The following RHAG variants were observed in gnomAD, a reference collection of about 807,000 sequenced individuals.
The protein encoded by RHAG is Rh associated glycoprotein.
RHAG carries 25 observed loss-of-function variants against 42.4 expected under a neutral mutation model. That is an observed-to-expected ratio of 0.59 (90% confidence interval 0.43 to 0.82). The LOEUF (loss-of-function observed/expected upper bound fraction) is 0.82, where lower values mean the gene tolerates loss of function less well. RHAG is among the 40% of genes least tolerant of loss of function. The pLI is 0.00. For synonymous variants in RHAG, 182 were observed against 177.7 expected, an observed-to-expected ratio of 1.02 and a Z score of -0.19; for missense variants, 483 against 504.6, an observed-to-expected ratio of 0.96 and a Z score of 0.41.
chr6:49,633,057 C>T (rs1035902047), intron 1 of RHAG, among the ~76,000 whole-genome samples: 4 of 152,108 alleles, frequency 2.6e-5, no homozygotes, highest in African/African-American at 4.8e-5. Flanking sequence ...TGTGCAAACC[C>T]AAGGGTTCTG....
intron 1 of RHAG, among the ~76,000 whole-genome samples, chr6:49,630,104 C>T (rs755251489): frequency 7.9e-5 from 12 of 152,228 alleles, no homozygotes; most frequent in Non-Finnish European, 1.6e-4. Flanking sequence ...AGCACGCTGT[C>T]ACCTCTCACA....
intron 3 of RHAG, among the ~76,000 whole-genome samples, chr6:49,616,113 T>C (rs997965472): frequency 6.6e-6 from 1 of 152,152 alleles, no homozygotes; most frequent in African/African-American, 2.4e-5. Flanking sequence ...AGAACATATT[T>C]CTAAAGTGCT....
intron 7 of RHAG, among the ~76,000 whole-genome samples, chr6:49,608,940 T>A (rs1762520771): frequency 6.6e-6 from 1 of 152,156 alleles, no homozygotes; most frequent in Non-Finnish European, 1.5e-5. Context: ...TTTTACAAGG[T>A]CTTAAAAGAT....
At chr6:49,626,073 T>C (rs775842685) in intron 1 of RHAG, among the ~76,000 whole-genome samples, 5 of 152,162 alleles carry the variant, frequency 3.3e-5, no homozygotes, top group Non-Finnish European at 7.4e-5. Flanking sequence ...AAGATGAGAT[T>C]TGAGTGGGAA....
At chr6:49,605,853 G>A (rs200442399) in intron 9 of RHAG, 23 bp from the exon 10 acceptor site, 4 of 1,595,980 alleles carry the variant, frequency 2.5e-6, no homozygotes, top group Non-Finnish European at 3.4e-6. Flanking sequence ...AAGTTTGAGG[G>A]CACTTAATAG....
At chr6:49,626,298 G>A (rs1762842934) in intron 1 of RHAG, among the ~76,000 whole-genome samples, 1 of 152,196 alleles carries the variant, frequency 6.6e-6, no homozygotes, top group Admixed American at 6.5e-5. Flanking sequence ...ACACAGTGGG[G>A]TTATAGGCAT....
At chr6:49,606,473 A>G (rs1774165813) in intron 9 of RHAG, among the ~76,000 whole-genome samples, 1 of 152,066 alleles carries the variant, frequency 6.6e-6, no homozygotes, top group South Asian at 2.1e-4. Context: ...TCTGCTTTAG[A>G]AAATACCATA....
At chr6:49,617,854 C>T (rs982412298) in intron 3 of RHAG, among the ~76,000 whole-genome samples, 8 of 152,046 alleles carry the variant, frequency 5.3e-5, no homozygotes, top group South Asian at 2.1e-4. Context: ...AAAAATAATA[C>T]GTACAATGCA....
chr6:49,606,456 C>T (rs567220136), intron 9 of RHAG, among the ~76,000 whole-genome samples: 23 of 152,150 alleles, frequency 1.5e-4, no homozygotes, highest in African/African-American at 5.1e-4. Context: ...CTTTCTTTCT[C>T]TTTCCTTCTG....
At chr6:49,617,587 T>C (rs182756893) in intron 3 of RHAG, among the ~76,000 whole-genome samples, 2 of 152,180 alleles carry the variant, frequency 1.3e-5, no homozygotes, top group East Asian at 3.9e-4. Context: ...CCCCTAAATG[T>C]TCTTTATTTA....
At chr6:49,626,981 T>A (rs1411492022) in intron 1 of RHAG, among the ~76,000 whole-genome samples, 1 of 152,210 alleles carries the variant, frequency 6.6e-6, no homozygotes, top group East Asian at 1.9e-4. Context: ...TGTCGTGAGG[T>A]TGCATAGAGC....
At chr6:49,635,773 G>T (rs919104473) in intron 1 of RHAG, among the ~76,000 whole-genome samples, 5 of 151,946 alleles carry the variant, frequency 3.3e-5, no homozygotes, top group Non-Finnish European at 5.9e-5. Flanking sequence ...TAAAAAAAAG[G>T]GTGTCAAATT....
At chr6:49,620,587 A>G (rs1272920951) in intron 1 of RHAG, among the ~76,000 whole-genome samples, 1 of 151,962 alleles carries the variant, frequency 6.6e-6, no homozygotes, top group Non-Finnish European at 1.5e-5. Flanking sequence ...GATGGAGTGC[A>G]GTGGCATGAA....
chr6:49,623,298 C>T (rs1052197676), intron 1 of RHAG, among the ~76,000 whole-genome samples: 33 of 152,160 alleles, frequency 2.2e-4, no homozygotes, highest in Non-Finnish European at 3.7e-4. Context: ...GTTGTGGAGG[C>T]TCTTGACAGA....
intron 5 of RHAG, among the ~76,000 whole-genome samples, chr6:49,613,666 C>T (rs1404423967): frequency 6.6e-6 from 1 of 152,080 alleles, no homozygotes; most frequent in African/African-American, 2.4e-5. Flanking sequence ...ACTGGTGTTT[C>T]TCTAGCTCAT....
chr6:49,605,787 C>A lies in RHAG; in HGVS notation c.*26G>T, dbSNP rs1442515155. ...TTCAGGTTCCAGCTGGCTGTGGTCA[C>A]CATGTCCATGGAACTGATTGTCAAG... is the stretch of plus-strand genomic sequence containing the variant. On this transcript the variant is annotated 3_prime_UTR_variant, in exon 10 of 10. Transcript: ENST00000371175. 1.2e-6 allele frequency: 2 copies of A among 1,610,264 alleles called. No individual in the cohort carries two copies. Among genetic ancestry groups the A allele is most frequent in the Non-Finnish European group, 1.7e-6 (2 of 1,176,734 alleles).
Position 49,611,103 on chromosome 6 carries a change from C to T in RHAG, c.988G>A (p.Val330Ile). 6.2e-7 allele frequency: 1 copy of T among 1,613,656 alleles called. No individual in the cohort carries two copies. The highest frequency in any genetic ancestry group is 1.3e-5 in the African/African-American group (1 of 74,984). The change falls in exon 7 of 10, where the codon GTC becomes ATC. Residue 330 changes from valine (V) to isoleucine (I), a missense_variant. Coordinates refer to ENST00000371175, the MANE Select transcript of RHAG (RefSeq NM_000324.3). ...CCAGGTAAGCCGTGGAGGTTATGGA[C>T]CCCACATGTATCATGGATCCTCAGT... is the stretch of plus-strand genomic sequence containing the variant. ...TKLRIHDTCG[V>I]HNLHGLPGVV...
At chr6:49,635,821 A>C (rs1259543298) in intron 1 of RHAG, among the ~76,000 whole-genome samples, 1 of 152,198 alleles carries the variant, frequency 6.6e-6, no homozygotes, top group East Asian at 1.9e-4. Flanking sequence ...ATGAAGTATA[A>C]TAAACATTAT....
chr6:49,627,912 C>T (rs1762866336), intron 1 of RHAG, among the ~76,000 whole-genome samples: 2 of 152,118 alleles, frequency 1.3e-5, no homozygotes, highest in Non-Finnish European at 2.9e-5. Flanking sequence ...ATGGGAACTA[C>T]AATTCAAGAT....
Sources: allele counts gnomAD v4.1 joint callset (sites outside exome capture counted in the v4.1 genomes callset), GRCh38; gene constraint gnomAD v4.1.1; transcripts MANE v1.5; gene names NCBI Gene and HGNC (gene_info 2026-07-23, HGNC 2026-07-21).